Variants in SLC9B1 observed in about 807,000 individuals in gnomAD.
SLC9B1 encodes the protein sodium/hydrogen exchanger 9B1.
SLC9B1 carries 32 observed loss-of-function variants against 51.7 expected under a neutral mutation model. The ratio of observed to expected loss-of-function variants is 0.62; its 90% CI spans 0.47 to 0.83. The LOEUF is 0.83. Among genes scored for constraint, SLC9B1 ranks in the 40% least tolerant of loss-of-function variants. The pLI is 0.00. For synonymous variants in SLC9B1, 145 were observed against 212.7 expected (o/e 0.68, Z 2.77); for missense variants, 406 against 613.2 (o/e 0.66, Z 3.57).
chr4:102,921,664 C>A (rs1373337305), intron 7 of SLC9B1, among the ~76,000 whole-genome samples: 1 of 152,050 alleles, frequency 6.6e-6, no homozygotes, highest in Non-Finnish European at 1.5e-5. Context: ...TTCAGGAGAC[C>A]CATCTAACGT....
At chr4:102,951,248 A>G (rs148890705) in intron 3 of SLC9B1, among the ~76,000 whole-genome samples, 1 of 152,326 alleles carries the variant, frequency 6.6e-6, no homozygotes, top group Non-Finnish European at 1.5e-5. Context: ...GCATAGAAGT[A>G]TCCCTAGAAC....
At chr4:102,961,416 C>T (rs1314533236) in intron 3 of SLC9B1, among the ~76,000 whole-genome samples, 1 of 152,298 alleles carries the variant, frequency 6.6e-6, no homozygotes, top group African/African-American at 2.4e-5. Context: ...AGCCTCTTTT[C>T]CTAAACCTCC....
chr4:103,001,693 T>C (rs1188324041), intron 1 of SLC9B1, among the ~76,000 whole-genome samples: 1 of 152,208 alleles, frequency 6.6e-6, no homozygotes, highest in African/African-American at 2.4e-5. Flanking sequence ...CTTTCTCACA[T>C]ACTCCTCTAT....
At chr4:102,936,239 A>T (rs1206170189) in intron 6 of SLC9B1, among the ~76,000 whole-genome samples, 1 of 152,218 alleles carries the variant, frequency 6.6e-6, no homozygotes, top group Non-Finnish European at 1.5e-5. Flanking sequence ...GCATTAAAGA[A>T]TATAAAAAAG....
Position 102,977,109 on chromosome 4 carries a change from C to G in SLC9B1, c.211+12691G>C, listed in dbSNP as rs1192397993. Among the ~76,000 whole-genome samples the G allele has an allele frequency of 1.1e-4, 16 of 151,632 alleles. No homozygotes were observed. The East Asian group carries it at 3.1e-3, about 30-fold the overall frequency. On this transcript the variant is annotated intron_variant, in intron 3 of 11. Coordinates refer to ENST00000296422, the MANE Select transcript of SLC9B1 (RefSeq NM_139173.4). ...AGGTTGCAGTGAGTTGTGATGGTGC[C>G]ACTGTACTGCAGCCTGGGCAACAGA...
chr4:102,968,870 C>A (rs1218779616), intron 3 of SLC9B1, among the ~76,000 whole-genome samples: 1 of 152,182 alleles, frequency 6.6e-6, no homozygotes, highest in Non-Finnish European at 1.5e-5. Flanking sequence ...AACGGCACAC[C>A]AGGAGATTAT....
intron 1 of SLC9B1, among the ~76,000 whole-genome samples, chr4:103,006,163 G>GT (rs1448069134): frequency 2.0e-5 from 3 of 151,826 alleles, no homozygotes; most frequent in Admixed American, 2.0e-4. Context: ...CCAGGAGTTG[G>GT]TTTTTTGAAA....
At chr4:102,937,094 T>C (rs1373898995) in intron 6 of SLC9B1, among the ~76,000 whole-genome samples, 1 of 152,068 alleles carries the variant, frequency 6.6e-6, no homozygotes, top group Non-Finnish European at 1.5e-5. Flanking sequence ...TGGGGGCCTA[T>C]ATTCAGCATT....
intron 1 of SLC9B1, among the ~76,000 whole-genome samples, chr4:103,004,410 A>G (rs1740680589): frequency 6.6e-6 from 1 of 152,110 alleles, no homozygotes; most frequent in Non-Finnish European, 1.5e-5. Context: ...AAGAATAAAC[A>G]CCTCTGAGAA....
At chr4:103,007,686 T>G (rs1034415001) in intron 1 of SLC9B1, among the ~76,000 whole-genome samples, 16 of 148,936 alleles carry the variant, frequency 1.1e-4, no homozygotes, top group African/African-American at 3.7e-4. Context: ...CTCACTGCAG[T>G]CTCCAACTCC....
At chr4:102,940,694 C>A (rs1736949071) in intron 6 of SLC9B1, among the ~76,000 whole-genome samples, 1 of 152,102 alleles carries the variant, frequency 6.6e-6, no homozygotes, top group African/African-American at 2.4e-5. Flanking sequence ...AAAAAGACAA[C>A]CTATAGAGTG....
At chr4:102,930,891 G>A (rs967648762) in intron 7 of SLC9B1, among the ~76,000 whole-genome samples, 2 of 151,966 alleles carry the variant, frequency 1.3e-5, no homozygotes, top group African/African-American at 4.8e-5. Context: ...AAAGAAACAT[G>A]TTTGTGATAT....
rs562982685 is a variant in SLC9B1, at chr4:102,977,803, A to G, written c.211+11997T>C. On this transcript the variant is annotated intron_variant, in intron 3 of 11. Transcript: ENST00000296422. Reference sequence around the variant, plus strand: ...TATGAGAAGTTACAAATTTTTAAAAACATATTCTTTTTTTATTATTATACT... The same window carrying G: ...TATGAGAAGTTACAAATTTTTAAAAGCATATTCTTTTTTTATTATTATACT... 1.4e-3 allele frequency among the ~76,000 whole-genome samples: 208 copies of G among 152,268 alleles called. No individual in the cohort carries two copies. The Middle Eastern group carries it at 0.017, about 12-fold the overall frequency.
intron 3 of SLC9B1, among the ~76,000 whole-genome samples, chr4:102,980,414 A>G (rs569250791): frequency 6.6e-6 from 1 of 152,348 alleles, no homozygotes; most frequent in South Asian, 2.1e-4. Context: ...ATGCAGCCAT[A>G]AAAAGGAATG....
intron 11 of SLC9B1, among the ~76,000 whole-genome samples, chr4:102,904,060 T>C (rs1390280714): frequency 6.6e-6 from 1 of 151,996 alleles, no homozygotes; most frequent in African/African-American, 2.4e-5. Context: ...TATTTTACTT[T>C]ACTTTTTTTT....
chr4:102,893,281 CA>C (rs58316456), intron 11 of SLC9B1, among the ~76,000 whole-genome samples: 308 of 35,120 alleles, frequency 8.8e-3, no homozygotes, highest in African/African-American at 0.027. Flanking sequence ...GACTCCATCT[CA>C]AAAAAAAAAA....
chr4:102,935,057 A>G (rs564135161), intron 6 of SLC9B1, among the ~76,000 whole-genome samples: 1 of 152,048 alleles, frequency 6.6e-6, no homozygotes, highest in African/African-American at 2.4e-5. Flanking sequence ...TCTTAGAGAG[A>G]AAAAAAATCA....
In SLC9B1 at chr4:102,938,465, A is replaced by C. The variant is rs564897152; in HGVS notation, c.654-6166T>G. Among the ~76,000 whole-genome samples, 11 of 152,312 alleles carry C rather than the reference A, an allele frequency of 7.2e-5. No individual in the cohort carries two copies. The South Asian group carries it at 2.1e-3, about 29-fold the overall frequency. Reference sequence around the variant, plus strand: ...TCACTGACAGTACTAGACAGATCAAAGAGACAGAAAATGAACAAAGATATT... The same window carrying C: ...TCACTGACAGTACTAGACAGATCAACGAGACAGAAAATGAACAAAGATATT... On this transcript the variant is annotated intron_variant, in intron 6 of 11. Transcript: ENST00000296422.
chr4:102,955,882 A>AAAG (rs1737775161), intron 3 of SLC9B1, among the ~76,000 whole-genome samples: 1 of 146,714 alleles, frequency 6.8e-6, no homozygotes, highest in Non-Finnish European at 1.5e-5. Flanking sequence ...AGAAAGAAAG[A>AAAG]AAGAAAGAAA....
Sources: gnomAD v4.1 joint callset for allele counts (sites outside exome capture counted in the v4.1 genomes callset) on GRCh38, gnomAD v4.1.1 for gene constraint, MANE v1.5 for transcripts, NCBI Gene and HGNC (gene_info 2026-07-23, HGNC 2026-07-21) for gene names.